Variants in PCDHGA9 observed in about 807,000 individuals in gnomAD.
PCDHGA9 encodes the protein protocadherin gamma subfamily A, 9.
A neutral mutation model predicts 62.5 loss-of-function variants in PCDHGA9; 37 were observed. The ratio of observed to expected loss-of-function variants is 0.59; its 90% confidence interval spans 0.46 to 0.78. The LOEUF (loss-of-function observed/expected upper bound fraction) is 0.78, where lower values mean the gene tolerates loss of function less well. Among genes scored for constraint, PCDHGA9 ranks in the 30% least tolerant of loss-of-function variants. The probability of loss-of-function intolerance (pLI) is 0.00; values close to 1 mark genes in which losing one functional copy is unlikely to be tolerated. For synonymous variants in PCDHGA9, 459 were observed against 484.6 expected, an observed-to-expected ratio of 0.95 and a Z score of 0.69; for missense variants, 1,138 against 1,166.2, an observed-to-expected ratio of 0.98 and a Z score of 0.35.
Position 141,419,336 on chromosome 5 carries a change from G to A in PCDHGA9, c.2424+13960G>A, listed in dbSNP as rs762064534. 6.8e-6 allele frequency: 11 copies of A among 1,613,772 alleles called. No individual in the cohort carries two copies. In the African/African-American group the frequency reaches 1.3e-4, roughly 20 times the overall value. ...CGGCCGTGTCTCCTACTCTCTCATT[G>A]CCAGCGACCTGGAGTCACGAACGCT... On this transcript the variant is annotated intron_variant, in intron 1 of 3. Coordinates refer to ENST00000573521, the MANE Select transcript of PCDHGA9 (RefSeq NM_018921.3).
rs1591273286 is a variant in PCDHGA9, at chr5:141,433,311, T to A, written c.2424+27935T>A. 11 of 870,402 alleles carry A rather than the reference T, an allele frequency of 1.3e-5. No individual in the cohort carries two copies. The East Asian group carries it at 2.9e-4, about 23-fold the overall frequency. 53.9% of individuals were successfully genotyped at this position (870,402 alleles called of 1,614,324 possible). A position where few individuals can be genotyped will look rare whatever the true frequency, so the allele number is the denominator to read the frequency against. On this transcript the variant is annotated intron_variant, in intron 1 of 3. Coordinates refer to ENST00000573521, the MANE Select transcript of PCDHGA9 (RefSeq NM_018921.3). Reference sequence around the variant, plus strand: ...TAGGCTCAAGCAATTATCCCACCTTTGCCTCCGGTGTAACAGGGACTACAG... The same window carrying A: ...TAGGCTCAAGCAATTATCCCACCTTAGCCTCCGGTGTAACAGGGACTACAG...
chr5:141,435,396 G>A (rs562717014), intron 1 of PCDHGA9, among the ~76,000 whole-genome samples: 46 of 152,096 alleles, frequency 3.0e-4, no homozygotes, highest in African/African-American at 9.4e-4. Context: ...TTGCCATGAC[G>A]AAAAATGGTA....
intron 1 of PCDHGA9, chr5:141,417,617 A>G (rs576281946): frequency 9.3e-6 from 6 of 646,206 alleles, no homozygotes; most frequent in African/African-American, 1.8e-5. Flanking sequence ...GCCAGTGCAG[A>G]GCAAGCGCTG....
chr5:141,471,065 T>C (rs1355886133), intron 1 of PCDHGA9, among the ~76,000 whole-genome samples: 3 of 148,628 alleles, frequency 2.0e-5, no homozygotes, highest in Non-Finnish European at 3.0e-5. Context: ...TTTTTTTTTT[T>C]TGAGACAGGG....
chr5:141,409,080 C>T (rs2095221617), intron 1 of PCDHGA9: 1 of 1,613,988 alleles, frequency 6.2e-7, no homozygotes, highest in Non-Finnish European at 8.5e-7. Context: ...CATATGTTCT[C>T]ATTGGATGAG....
intron 1 of PCDHGA9, chr5:141,427,240 C>G (rs1447231420): frequency 1.3e-5 from 6 of 456,536 alleles, no homozygotes; most frequent in Non-Finnish European, 2.6e-5. Context: ...AGAGTAGAAG[C>G]TAAGGATGGT....
At chr5:141,405,596 A>T (rs1024672340) in intron 1 of PCDHGA9, 2 of 578,622 alleles carry the variant, frequency 3.5e-6, no homozygotes, top group Admixed American at 6.3e-5. Flanking sequence ...AGGCCTCCCA[A>T]GTAGAATAAC....
chr5:141,418,270 A>T, intron 1 of PCDHGA9: 1 of 1,614,052 alleles, frequency 6.2e-7, no homozygotes. Context: ...GGAAAGATGA[A>T]ATAAACTTAG....
Position 141,507,906 on chromosome 5 carries a change from G to A in PCDHGA9, c.2572+2425G>A, listed in dbSNP as rs2099864753. ...AGAGAGGTTCCTGAAGTCCAGCCCA[G>A]CCAGGCCTGTGGGGCTGCTGAGAGG... On this transcript the variant is annotated intron_variant, in intron 3 of 3. Coordinates refer to ENST00000573521, the MANE Select transcript of PCDHGA9 (RefSeq NM_018921.3). Among the ~76,000 whole-genome samples, 4 of 152,216 alleles carry A rather than the reference G, an allele frequency of 2.6e-5. No homozygotes were observed. The South Asian group carries it at 8.3e-4, about 32-fold the overall frequency.
intron 1 of PCDHGA9, among the ~76,000 whole-genome samples, chr5:141,434,767 C>T (rs2097715264): frequency 6.6e-6 from 1 of 151,182 alleles, no homozygotes. Flanking sequence ...CCACTTCACA[C>T]TTCTAAAAAA....
intron 1 of PCDHGA9, chr5:141,430,707 CT>C: frequency 6.8e-7 from 1 of 1,478,562 alleles, no homozygotes; most frequent in Non-Finnish European, 9.0e-7. Context: ...GGAACTGCTC[CT>C]GACTTCAGTG....
At chr5:141,497,665 G>A (rs1011161465) in intron 2 of PCDHGA9, among the ~76,000 whole-genome samples, 3 of 151,348 alleles carry the variant, frequency 2.0e-5, no homozygotes, top group South Asian at 2.1e-4. Flanking sequence ...TCAGCCTCCC[G>A]AGTAGCTGGG....
In PCDHGA9 at chr5:141,511,405, T is replaced by C. The variant is rs1274658643; in HGVS notation, c.*232T>C. The C allele has an allele frequency of 2.2e-5, 21 of 944,066 alleles. No homozygotes were observed. In the East Asian group the frequency reaches 5.8e-4, roughly 26 times the overall value. 58.5% of individuals were successfully genotyped at this position (944,066 alleles called of 1,614,324 possible). On this transcript the variant is annotated 3_prime_UTR_variant, in exon 4 of 4. Transcript: ENST00000573521. ...CGCTGGGAACCCCCATCCAATCAACTGCTGTACCCATGGGGGTAGTGGGGT... is the reference window on the plus strand; with the variant it reads ...CGCTGGGAACCCCCATCCAATCAACCGCTGTACCCATGGGGGTAGTGGGGT...
At chr5:141,452,017 C>T (rs181614467) in intron 1 of PCDHGA9, among the ~76,000 whole-genome samples, 10 of 152,344 alleles carry the variant, frequency 6.6e-5, no homozygotes, top group Non-Finnish European at 1.2e-4. Flanking sequence ...CCAGCCCACA[C>T]TCTGGGGAGA....
chr5:141,413,176 A>G lies in PCDHGA9; in HGVS notation c.2424+7800A>G, dbSNP rs758582296. 252 of 1,601,774 alleles carry G rather than the reference A, an allele frequency of 1.6e-4. 1 individual carries two copies. Among genetic ancestry groups the G allele is most frequent in the Non-Finnish European group, 2.1e-4 (243 of 1,173,006 alleles). Reference sequence around the variant, plus strand: ...TGCAGAATTCTGTAACCAGACTACAATGGCCGCTCAAAGGAATCGCTCAAA... The same window carrying G: ...TGCAGAATTCTGTAACCAGACTACAGTGGCCGCTCAAAGGAATCGCTCAAA... On this transcript the variant is annotated intron_variant, in intron 1 of 3. Coordinates refer to ENST00000573521, the MANE Select transcript of PCDHGA9 (RefSeq NM_018921.3).
rs2097383894 is a variant in PCDHGA9, at chr5:141,431,489, C to T, written c.2424+26113C>T. On this transcript the variant is annotated intron_variant, in intron 1 of 3. Transcript: ENST00000573521. This position sits in a 1 kb window ranked among gnomAD's most constrained non-coding sequence, Gnocchi z 4.8. ...GAACGACAACGCACCAGCGTTTGCTCAGCCCGAGTACCGCGCGAGCGTTCC... is the reference window on the plus strand; with the variant it reads ...GAACGACAACGCACCAGCGTTTGCTTAGCCCGAGTACCGCGCGAGCGTTCC... The T allele has an allele frequency of 1.2e-6, 2 of 1,613,850 alleles. No homozygotes were observed. The highest frequency in any genetic ancestry group is 3.3e-5 in the Admixed American group (2 of 60,016).
chr5:141,414,995 G>C (rs1431326081), intron 1 of PCDHGA9: 14 of 1,613,640 alleles, frequency 8.7e-6, no homozygotes, highest in Non-Finnish European at 1.2e-5. Context: ...CAGAACGCCT[G>C]GCTGTCCTAC....
At chr5:141,416,253 A>G (rs1399251065) in intron 1 of PCDHGA9, 1 of 152,312 alleles carries the variant, frequency 6.6e-6, no homozygotes, top group Non-Finnish European at 1.5e-5. Flanking sequence ...AACTGATAAC[A>G]CTGCAGTATC....
intron 1 of PCDHGA9, chr5:141,427,723 G>T: frequency 8.9e-7 from 1 of 1,127,490 alleles, no homozygotes; most frequent in East Asian, 2.4e-5. Flanking sequence ...CTGGACCTAG[G>T]GCTGAATGGC....
Sources: allele counts gnomAD v4.1 joint callset (sites outside exome capture counted in the v4.1 genomes callset), GRCh38; gene constraint gnomAD v4.1.1; non-coding constraint Gnocchi (gnomAD v3.1); transcripts MANE v1.5; gene names NCBI Gene and HGNC (gene_info 2026-07-23, HGNC 2026-07-21).